Variants in EPHA8 observed in about 807,000 individuals in gnomAD.
EPHA8 encodes the protein ephrin type-A receptor 8.
A neutral mutation model predicts 103.6 loss-of-function variants in EPHA8; 58 were observed. The ratio of observed to expected loss-of-function variants is 0.56; its 90% CI spans 0.45 to 0.70. EPHA8 has a LOEUF of 0.70. Ranked by LOEUF, EPHA8 falls within the 30% of genes least tolerant of loss-of-function variation. The pLI is 0.00. For missense variants in EPHA8, 1,304 were observed against 1,395.2 expected (o/e 0.93, Z 1.04); for synonymous variants, 559 against 572.5 (o/e 0.98, Z 0.34).
chr1:22,597,867 T>A lies in EPHA8; in HGVS notation c.2116+6T>A. The A allele has an allele frequency of 1.9e-6, 3 of 1,602,728 alleles. No homozygotes were observed. The highest frequency in any genetic ancestry group is 3.3e-4 in the Middle Eastern group (2 of 6,002). The stretch of plus-strand genomic sequence containing the variant: ...CGAGGGTGTCGTCACCCGTGGTAGG[T>A]GCCGGGCAAAGACAGCCTCCCCCTG... On this transcript the variant is annotated splice_donor_region_variant and intron_variant, in intron 11 of 16. Coordinates refer to ENST00000166244, the MANE Select transcript of EPHA8 (RefSeq NM_020526.5). This position sits in a 1 kb window ranked among gnomAD's most constrained non-coding sequence, Gnocchi z 4.6.
intron 4 of EPHA8, among the ~76,000 whole-genome samples, chr1:22,587,086 G>A (rs1641233596): frequency 6.6e-6 from 1 of 152,222 alleles, no homozygotes; most frequent in East Asian, 1.9e-4. Context: ...TGTATGGTGT[G>A]TGTGCATATG....
chr1:22,578,938 T>C (rs543319159), intron 3 of EPHA8, among the ~76,000 whole-genome samples: 7 of 145,442 alleles, frequency 4.8e-5, no homozygotes, highest in Admixed American at 1.5e-4. Context: ...TGTGCATGTG[T>C]GTATGTATGC....
At position 22,598,955 on chromosome 1, in the gene EPHA8, G is replaced by T. The variant is rs370473123; in HGVS notation, c.2296G>T (p.Val766Phe). Residue 766 changes from valine (V) to phenylalanine (F), a missense_variant, in exon 13 of 17, where the codon GTC becomes TTC. Physicochemically the swap from Val to Phe is conservative, Grantham distance 50. Coordinates refer to ENST00000166244, the MANE Select transcript of EPHA8 (RefSeq NM_020526.5). The surrounding 1 kb of genome is among the most constrained non-coding windows in gnomAD (Gnocchi z 5.1). ...CCACCGAGACCTGGCCGCCCGCAAC[G>T]TCCTGGTTGACAGCAACCTGGTCTG... ...YVHRDLAARN[V>F]LVDSNLVCKV... 1 of 1,611,160 alleles carries T rather than the reference G, an allele frequency of 6.2e-7. No individual in the cohort carries two copies. The highest frequency in any genetic ancestry group is 8.5e-7 in the Non-Finnish European group (1 of 1,179,646).
At position 22,598,212 on chromosome 1, in the gene EPHA8, G is replaced by C; in HGVS notation, c.2178G>C (p.Arg726Ser). Residue 726 changes from arginine to serine, a missense_variant and splice_region_variant, in exon 12 of 17, where the codon AGG becomes AGC. Physicochemically the swap from Arg to Ser is moderately radical, Grantham distance 110. Coordinates refer to ENST00000166244, the MANE Select transcript of EPHA8 (RefSeq NM_020526.5). This position sits in a 1 kb window ranked among gnomAD's most constrained non-coding sequence, Gnocchi z 5.1. ...MENGSLDTFL[R>S]THDGQFTIMQ... ...ACGGCTCTCTGGACACCTTCCTGAG[G>C]GTGCGTGTCCCACCCCTGCCTCTTG... The C allele has an allele frequency of 6.2e-7, 1 of 1,612,818 alleles. No individual in the cohort carries two copies. The highest frequency in any genetic ancestry group is 8.5e-7 in the Non-Finnish European group (1 of 1,179,776).
At position 22,593,272 on chromosome 1, in the gene EPHA8, G is replaced by A. The variant is rs192137432; in HGVS notation, c.1316-54G>A. The stretch of plus-strand genomic sequence containing the variant: ...AGGTGGAACCTGGGAAGGGTTGGGA[G>A]AGAGGCCACGCCTTGTCTCCCCTCC... On this transcript the variant is annotated intron_variant, in intron 5 of 16. Transcript: ENST00000166244. 13 of 1,534,424 alleles carry A rather than the reference G, an allele frequency of 8.5e-6. No individual in the cohort carries two copies. The East Asian group carries it at 3.0e-4, about 35-fold the overall frequency.
intron 3 of EPHA8, among the ~76,000 whole-genome samples, chr1:22,578,535 G>A (rs529713545): frequency 9.6e-5 from 13 of 135,734 alleles, no homozygotes; most frequent in African/African-American, 1.9e-4. Flanking sequence ...GTGCATATGC[G>A]TGCATGTGTG....
chr1:22,600,710 G>A lies in EPHA8; in HGVS notation c.2438G>A (p.Arg813His), dbSNP rs760332050. The change falls in exon 14 of 17, where the codon CGC (arginine) becomes CAC (histidine). Residue 813 changes from arginine (R) to histidine (H), a missense_variant. By Grantham distance (29) the Arg-to-His change is conservative (BLOSUM62 0). Coordinates refer to ENST00000166244, the MANE Select transcript of EPHA8 (RefSeq NM_020526.5). ...ACGGCCCCAGAGGCCATCGCCTTCCGCACCTTCTCCTCGGCCAGCGACGTG... is the reference window on the plus strand; with the variant it reads ...ACGGCCCCAGAGGCCATCGCCTTCCACACCTTCTCCTCGGCCAGCGACGTG... The part of the protein sequence containing the change: ...RWTAPEAIAF[R>H]TFSSASDVWS... The A allele has an allele frequency of 1.1e-5, 18 of 1,613,506 alleles. No homozygotes were observed. In the East Asian group the frequency reaches 2.2e-4, roughly 20 times the overall value.
chr1:22,576,717 G>T lies in EPHA8; in HGVS notation c.660G>T (p.Gly220=). 6.2e-7 allele frequency: 1 copy of T among 1,613,866 alleles called. No homozygotes were observed. The change falls in exon 3 of 17, where the codon GGG becomes GGT. Residue 220 remains glycine, a synonymous_variant. Transcript: ENST00000166244. This position sits in a 1 kb window ranked among gnomAD's most constrained non-coding sequence, Gnocchi z 4.8. ...CTGCCTTCTCGGAGGCAGTGACGGG[G>T]GCCGACTCGTCCTCACTGGTGGAGG... ...NLAAFSEAVT[G]ADSSSLVEVR...
rs1203894062 is a variant in EPHA8, at chr1:22,579,088, CATGTGTGCATGTGT to C, written c.823+2224_823+2237del. 1.7e-3 allele frequency among the ~76,000 whole-genome samples: 174 copies of C among 104,652 alleles called. 2 individuals carry two copies. Among genetic ancestry groups the C allele is most frequent in the African/African-American group, 9.1e-3 (161 of 17,680 alleles). The allele number at this position is 104,652 out of a possible 152,430, so 68.7% of individuals were successfully genotyped here. On this transcript the variant is annotated intron_variant, in intron 3 of 16. Transcript: ENST00000166244. ...ATGCATGTGTGTGCATGTGTACGTG[CATGTGTGCATGTGT>C]ATGTGTGCATGTGTACGTGTATGTG...
At chr1:22,590,362 C>T (rs1017390328) in intron 5 of EPHA8, among the ~76,000 whole-genome samples, 5 of 152,194 alleles carry the variant, frequency 3.3e-5, no homozygotes, top group African/African-American at 9.7e-5. Flanking sequence ...AACCTGCCTT[C>T]CCCTCCGGTC....
rs1248963963 is a variant in EPHA8, at chr1:22,588,960, C to T, written c.1069C>T (p.Arg357Cys). Residue 357 changes from arginine (R) to cysteine (C), a missense_variant, in exon 5 of 17, where the codon CGC becomes TGC. Physicochemically the swap from Arg to Cys is radical, Grantham distance 180. Coordinates refer to ENST00000166244, the MANE Select transcript of EPHA8 (RefSeq NM_020526.5). ...EWAPPLDPGG[R>C]SDITYNAVCR... ...GGCCCCTCCCCTGGACCCAGGTGGCCGCAGTGACATCACCTACAATGCCGT... is the reference window on the plus strand; with the variant it reads ...GGCCCCTCCCCTGGACCCAGGTGGCTGCAGTGACATCACCTACAATGCCGT... The T allele has an allele frequency of 3.1e-6, 5 of 1,613,174 alleles. No individual in the cohort carries two copies. Among genetic ancestry groups the T allele is most frequent in the South Asian group, 1.1e-5 (1 of 91,056 alleles).
chr1:22,576,646 C>T lies in EPHA8; in HGVS notation c.589C>T (p.Leu197Phe). ...DIGACLAILS[L>F]RIYYKKCPAM... The stretch of plus-strand genomic sequence containing the variant: ...AGGTGCCTGCCTGGCCATCCTCTCT[C>T]TCCGCATCTACTATAAGAAGTGCCC... The change falls in exon 3 of 17, where the codon CTC becomes TTC. Residue 197 changes from leucine (L) to phenylalanine (F), a missense_variant. Physicochemically the swap from Leu to Phe is conservative, Grantham distance 22 (BLOSUM62 0). Transcript: ENST00000166244. This position sits in a 1 kb window ranked among gnomAD's most constrained non-coding sequence, Gnocchi z 4.8. The T allele has an allele frequency of 6.2e-7, 1 of 1,613,942 alleles. No individual in the cohort carries two copies. The highest frequency in any genetic ancestry group is 8.5e-7 in the Non-Finnish European group (1 of 1,180,038).
chr1:22,575,628 A>G (rs543547216), intron 2 of EPHA8, among the ~76,000 whole-genome samples: 8 of 152,266 alleles, frequency 5.3e-5, no homozygotes, highest in African/African-American at 1.9e-4. Flanking sequence ...TTAACACTCA[A>G]CTTTCTCACA....
At chr1:22,570,341 T>C (rs209746) in intron 2 of EPHA8, among the ~76,000 whole-genome samples, 45,937 of 146,636 alleles carry the variant, frequency 0.31, 9,228 homozygotes, top group African/African-American at 0.58. Context: ...CACATGCACA[T>C]GCGTGGGTAC....
chr1:22,585,050 T>TGTGC (rs71020436), intron 3 of EPHA8, among the ~76,000 whole-genome samples: 2,498 of 93,494 alleles, frequency 0.027, 24 homozygotes, highest in Non-Finnish European at 0.037. Flanking sequence ...TGTGTGTGTG[T>TGTGC]GCGCACGCGT....
At chr1:22,578,476 G>C (rs552518819) in intron 3 of EPHA8, among the ~76,000 whole-genome samples, 1 of 150,928 alleles carries the variant, frequency 6.6e-6, no homozygotes, top group Non-Finnish European at 1.5e-5. Context: ...GTGTGCATGT[G>C]CATGAGTGTG....
rs144404527 is a variant in EPHA8, at chr1:22,565,908, G to T, written c.94+2179G>T. On this transcript the variant is annotated intron_variant, in intron 1 of 16. Transcript: ENST00000166244. ...CCCACACGAGTCAGACAGCCATGGG[G>T]TGGAGACCTGGGACCTGAGTTCCAT... Among the ~76,000 whole-genome samples the T allele has an allele frequency of 9.8e-4, 149 of 152,330 alleles. 3 individuals carry two copies. In the East Asian group the frequency reaches 0.025, roughly 26 times the overall value.
intron 3 of EPHA8, among the ~76,000 whole-genome samples, chr1:22,585,052 C>CGTGCGT (rs1553146964): frequency 6.9e-6 from 1 of 144,370 alleles, no homozygotes; most frequent in African/African-American, 2.7e-5. Context: ...TGTGTGTGTG[C>CGTGCGT]GCACGCGTGT....
In EPHA8 at chr1:22,589,278, C is replaced by G. The variant is rs1641311771; in HGVS notation, c.1315+72C>G. ...CCCTGCCTCAGACCCATCCAGGGAT[C>G]AGAGCTCTGCCGGGGACGTGCTGTG... On this transcript the variant is annotated intron_variant, in intron 5 of 16. Transcript: ENST00000166244. This position sits in a 1 kb window ranked among gnomAD's most constrained non-coding sequence, Gnocchi z 4.3. 1 of 1,613,878 alleles carries G rather than the reference C, an allele frequency of 6.2e-7. No individual in the cohort carries two copies. The highest frequency in any genetic ancestry group is 8.5e-7 in the Non-Finnish European group (1 of 1,179,992).
Sources: gnomAD v4.1 joint callset for allele counts (sites outside exome capture counted in the v4.1 genomes callset) on GRCh38, gnomAD v4.1.1 for gene constraint, Gnocchi (gnomAD v3.1) non-coding constraint, MANE v1.5 for transcripts, NCBI Gene and HGNC (gene_info 2026-07-23, HGNC 2026-07-21) for gene names.